CAMTA1: variants seen among roughly 807,000 people sequenced by gnomAD.
CAMTA1 encodes the protein calmodulin-binding transcription activator 1.
A neutral mutation model predicts 170.9 loss-of-function variants in CAMTA1; 27 were observed. That is an observed-to-expected ratio of 0.16 (90% CI 0.12 to 0.22). The LOEUF is 0.22. Ranked by LOEUF, CAMTA1 falls within the 10% of genes least tolerant of loss-of-function variation. The probability of loss-of-function intolerance (pLI) is 1.00; values close to 1 mark genes in which losing one functional copy is unlikely to be tolerated. For synonymous variants in CAMTA1, 833 were observed against 891.5 expected (o/e 0.93, Z 1.17); for missense variants, 1,619 against 2,217.2 (o/e 0.73, Z 5.42).
At chr1:7,319,976 A>G (rs1315424820) in intron 5 of CAMTA1, among the ~76,000 whole-genome samples, 1 of 152,072 alleles carries the variant, frequency 6.6e-6, no homozygotes, top group Non-Finnish European at 1.5e-5. Flanking sequence ...TGCTAAATTT[A>G]TTTACCCAGT....
Position 7,736,614 on chromosome 1 carries a change from C to T in CAMTA1, c.3263+74C>T, listed in dbSNP as rs2096774626. ...TCACATTCTTCCTGAGCACTGCCACCCGTGGAAGAAATCTACCCATTCAGT... is the reference window on the plus strand; with the variant it reads ...TCACATTCTTCCTGAGCACTGCCACTCGTGGAAGAAATCTACCCATTCAGT... On this transcript the variant is annotated intron_variant, in intron 13 of 22. Coordinates refer to ENST00000303635, the MANE Select transcript of CAMTA1 (RefSeq NM_015215.4). The surrounding 1 kb of genome is among the most constrained non-coding windows in gnomAD (Gnocchi z 4.5). 1.4e-6 allele frequency: 2 copies of T among 1,436,292 alleles called. No individual in the cohort carries two copies. Among genetic ancestry groups the T allele is most frequent in the African/African-American group, 2.8e-5 (2 of 71,560 alleles). The allele number at this position is 1,436,292 out of a possible 1,614,324, so 89.0% of individuals were successfully genotyped here.
In CAMTA1 at chr1:7,640,535, G is replaced by C; in HGVS notation, c.646G>C (p.Gly216Arg). Residue 216 changes from glycine to arginine, a missense_variant, in exon 7 of 23, where the codon GGG (glycine) becomes CGG (arginine). This residue lies in a region of CAMTA1 where 97 missense variants were observed against 225.4 expected (regional missense o/e 0.43). Transcript: ENST00000303635. Reference sequence around the variant, plus strand: ...GAAATGGACGAAAGAAGAGCTCATCGGGCAGCTGAAACCCATGTGTGAGTG... The same window carrying C: ...GAAATGGACGAAAGAAGAGCTCATCCGGCAGCTGAAACCCATGTGTGAGTG... ...WAKWTKEELI[G>R]QLKPMFHGIK... 6.2e-7 allele frequency: 1 copy of C among 1,614,208 alleles called. No individual in the cohort carries two copies. Among genetic ancestry groups the C allele is most frequent in the Non-Finnish European group, 8.5e-7 (1 of 1,180,038 alleles).
At chr1:7,582,220 G>A (rs930385140) in intron 6 of CAMTA1, among the ~76,000 whole-genome samples, 6 of 152,190 alleles carry the variant, frequency 3.9e-5, no homozygotes, top group African/African-American at 7.2e-5. Context: ...GATAGCCCAC[G>A]TGGCGGTTGC....
At chr1:7,381,614 CAT>C (rs879578693) in intron 5 of CAMTA1, among the ~76,000 whole-genome samples, 6 of 147,952 alleles carry the variant, frequency 4.1e-5, no homozygotes. Context: ...GCAATAAACA[CAT>C]GTGTGCATGT....
chr1:7,165,045 G>GTATT (rs2148790018), intron 4 of CAMTA1, among the ~76,000 whole-genome samples: 1 of 152,334 alleles, frequency 6.6e-6, no homozygotes, highest in South Asian at 2.1e-4. Flanking sequence ...AAGCACGACA[G>GTATT]TAATAAAGTA....
intron 5 of CAMTA1, among the ~76,000 whole-genome samples, chr1:7,433,468 A>G (rs1030724752): frequency 2.6e-5 from 4 of 152,176 alleles, no homozygotes; most frequent in Non-Finnish European, 5.9e-5. Context: ...AGGACCACCT[A>G]GCAGTTTCTT....
At chr1:7,077,683 G>A (rs1419758484) in intron 3 of CAMTA1, among the ~76,000 whole-genome samples, 18 of 151,958 alleles carry the variant, frequency 1.2e-4, no homozygotes, top group Admixed American at 1.2e-3. Flanking sequence ...TATTGGGTTT[G>A]TGTTGGGGGA....
intron 9 of CAMTA1, among the ~76,000 whole-genome samples, chr1:7,668,438 A>ACACACCC (rs1236044050): frequency 6.9e-5 from 9 of 131,378 alleles, no homozygotes; most frequent in Admixed American, 7.6e-5. Flanking sequence ...CACACCCACC[A>ACACACCC]CACACCCCAG....
rs1394164824 is a variant in CAMTA1 at position 7,482,747 on chromosome 1, A to G, written c.510+14846A>G. Among the ~76,000 whole-genome samples, 1 of 152,194 alleles carries G rather than the reference A, an allele frequency of 6.6e-6. No individual in the cohort carries two copies. Among genetic ancestry groups the G allele is most frequent in the African/African-American group, 2.4e-5 (1 of 41,426 alleles). On this transcript the variant is annotated intron_variant, in intron 6 of 22. Transcript: ENST00000303635. The surrounding 1 kb of genome is among the most constrained non-coding windows in gnomAD (Gnocchi z 4.2). ...TTGGAGACCAAGTTCTCAGAAAAACACTGTCGGTTCCAAAGAAATGAGCTC... is the reference window on the plus strand; with the variant it reads ...TTGGAGACCAAGTTCTCAGAAAAACGCTGTCGGTTCCAAAGAAATGAGCTC...
chr1:6,874,765 A>G (rs1050147427), intron 3 of CAMTA1, among the ~76,000 whole-genome samples: 4 of 152,164 alleles, frequency 2.6e-5, no homozygotes, highest in African/African-American at 9.7e-5. Flanking sequence ...GTTTTTGGCT[A>G]TGGAGGGACA....
chr1:7,329,199 C>T (rs2082874289), intron 5 of CAMTA1, among the ~76,000 whole-genome samples: 1 of 151,724 alleles, frequency 6.6e-6, no homozygotes, highest in Admixed American at 6.6e-5. Context: ...AAAAAAAATC[C>T]CAAGCTCTAA....
rs1367074823 is a variant in CAMTA1 at position 7,666,179 on chromosome 1, AAAG to A, written c.2652+983_2652+985del. 2.6e-3 allele frequency among the ~76,000 whole-genome samples: 391 copies of A among 151,828 alleles called. 4 individuals are homozygous for A. The highest frequency in any genetic ancestry group is 4.0e-3 in the Non-Finnish European group (273 of 67,910). On this transcript the variant is annotated intron_variant, in intron 9 of 22. Coordinates refer to ENST00000303635, the MANE Select transcript of CAMTA1 (RefSeq NM_015215.4). ...AATGAAACTGTCTTAAAAAAAAAAA[AAAG>A]AAAGAAAAAGTCACCATCATAGATC...
intron 5 of CAMTA1, among the ~76,000 whole-genome samples, chr1:7,412,444 C>T (rs11120913): frequency 0.32 from 48,629 of 150,970 alleles, 7,998 homozygotes; most frequent in Non-Finnish European, 0.34. Flanking sequence ...TTTTAATGAT[C>T]GCCATTCTAA....
chr1:7,047,722 T>TC (rs1491246654), intron 3 of CAMTA1, among the ~76,000 whole-genome samples: 29 of 115,402 alleles, frequency 2.5e-4, no homozygotes, highest in South Asian at 6.9e-4. Flanking sequence ...TCTCTCTCTC[T>TC]TTTTTTTTTT....
Position 7,547,281 on chromosome 1 carries a change from G to A in CAMTA1, c.510+79380G>A, listed in dbSNP as rs559296843. Among the ~76,000 whole-genome samples, 11 of 151,982 alleles carry A rather than the reference G, an allele frequency of 7.2e-5. No homozygotes were observed. In the South Asian group the frequency reaches 1.0e-3, roughly 14 times the overall value. On this transcript the variant is annotated intron_variant, in intron 6 of 22. Coordinates refer to ENST00000303635, the MANE Select transcript of CAMTA1 (RefSeq NM_015215.4). The surrounding 1 kb of genome is among the most constrained non-coding windows in gnomAD (Gnocchi z 5.7). ...GTGGTGTTTAGAAGCCAAGATCTGG[G>A]CCTGAGTATGCTCACTGCTCCCAGG...
At chr1:7,226,547 A>T (rs574108130) in intron 4 of CAMTA1, among the ~76,000 whole-genome samples, 2 of 152,220 alleles carry the variant, frequency 1.3e-5, no homozygotes, top group Admixed American at 6.5e-5. Context: ...CTTCACAAAC[A>T]TCCTCTGAAG....
intron 3 of CAMTA1, among the ~76,000 whole-genome samples, chr1:6,925,284 C>T (rs900910024): frequency 1.3e-5 from 2 of 152,250 alleles, no homozygotes; most frequent in African/African-American, 2.4e-5. Flanking sequence ...CAAGAGCCGC[C>T]AGCAGCCCTC....
chr1:7,411,918 C>T (rs1325288850), intron 5 of CAMTA1, among the ~76,000 whole-genome samples: 2 of 141,516 alleles, frequency 1.4e-5, no homozygotes, highest in Admixed American at 1.4e-4. Context: ...CTCCCCCCAC[C>T]CCACAACAGT....
intron 6 of CAMTA1, among the ~76,000 whole-genome samples, chr1:7,568,525 A>C (rs2095076543): frequency 6.8e-6 from 1 of 146,486 alleles, no homozygotes; most frequent in African/African-American, 2.6e-5. Context: ...ACCAACAACC[A>C]TCATCAGCAT....
Sources: allele counts gnomAD v4.1 joint callset (sites outside exome capture counted in the v4.1 genomes callset), GRCh38; gene constraint gnomAD v4.1.1; regional missense constraint gnomAD v4.1.1; non-coding constraint Gnocchi (gnomAD v3.1); transcripts MANE v1.5; gene names NCBI Gene and HGNC (gene_info 2026-07-23, HGNC 2026-07-21).